The following SLIT3 variants were observed in gnomAD, a reference collection of about 807,000 sequenced individuals.
SLIT3 encodes the protein slit homolog 3 protein.
SLIT3 carries 68 observed loss-of-function variants against 184.0 expected under a neutral mutation model. The ratio of observed to expected loss-of-function variants is 0.37; its 90% CI spans 0.30 to 0.45. The LOEUF is 0.45. Ranked by LOEUF, SLIT3 falls within the 20% of genes least tolerant of loss-of-function variation. The probability of loss-of-function intolerance (pLI) is 1.00; values close to 1 mark genes in which losing one functional copy is unlikely to be tolerated. For missense variants in SLIT3, 1,707 were observed against 2,026.0 expected (o/e 0.84, Z 3.02); for synonymous variants, 831 against 828.6 (o/e 1.00, Z -0.05).
At chr5:168,823,911 TC>T (rs1472388552) in intron 6 of SLIT3, among the ~76,000 whole-genome samples, 1 of 152,150 alleles carries the variant, frequency 6.6e-6, no homozygotes, top group Admixed American at 6.5e-5. Flanking sequence ...GATAGGTGAT[TC>T]TGTATTTTCT....
chr5:168,673,572 C>G (rs1156236147), intron 32 of SLIT3, among the ~76,000 whole-genome samples: 1 of 152,234 alleles, frequency 6.6e-6, no homozygotes, highest in East Asian at 1.9e-4. Flanking sequence ...TACACACACA[C>G]ATTTCTGAAC....
At chr5:168,733,366 G>A (rs948480448) in intron 20 of SLIT3, among the ~76,000 whole-genome samples, 54 of 152,066 alleles carry the variant, frequency 3.6e-4, no homozygotes, top group Non-Finnish European at 3.1e-4. Context: ...CAACCTTTAC[G>A]GAAAACAGTA....
chr5:168,855,674 A>G (rs916623507), intron 5 of SLIT3, among the ~76,000 whole-genome samples: 1 of 152,234 alleles, frequency 6.6e-6, no homozygotes, highest in African/African-American at 2.4e-5. Context: ...GAACAGGTAA[A>G]TTCATAGAAA....
intron 30 of SLIT3, among the ~76,000 whole-genome samples, chr5:168,686,325 A>G (rs1033562735): frequency 6.6e-6 from 1 of 152,172 alleles, no homozygotes; most frequent in Non-Finnish European, 1.5e-5. Context: ...TTCTTAAAAG[A>G]GCACATTCCT....
At chr5:168,700,919 C>G (rs1338299845) in intron 26 of SLIT3, among the ~76,000 whole-genome samples, 1 of 152,214 alleles carries the variant, frequency 6.6e-6, no homozygotes, top group Admixed American at 6.5e-5. Context: ...TCCAGCCTCA[C>G]TACTTCGCAG....
chr5:169,252,501 C>T (rs76768080), intron 1 of SLIT3, among the ~76,000 whole-genome samples: 7,759 of 152,192 alleles, frequency 0.051, 216 homozygotes, highest in Non-Finnish European at 0.063. Context: ...ATGAATATTC[C>T]GTGTTCACTA....
intron 4 of SLIT3, among the ~76,000 whole-genome samples, chr5:169,145,734 A>G (rs1215238743): frequency 1.3e-5 from 2 of 152,190 alleles, no homozygotes; most frequent in East Asian, 3.8e-4. Context: ...ATGATAACAT[A>G]TCAACAACAA....
intron 4 of SLIT3, among the ~76,000 whole-genome samples, chr5:169,167,050 G>T (rs146999018): frequency 1.3e-4 from 19 of 151,966 alleles, no homozygotes; most frequent in African/African-American, 4.3e-4. Context: ...TACACCTATA[G>T]TCCTAGCTAC....
intron 4 of SLIT3, among the ~76,000 whole-genome samples, chr5:169,136,229 GA>G (rs2113329474): frequency 1.3e-5 from 2 of 152,248 alleles, no homozygotes; most frequent in East Asian, 3.9e-4. Context: ...GGAAACTTAA[GA>G]AAAAGTAGCA....
intron 4 of SLIT3, among the ~76,000 whole-genome samples, chr5:169,000,550 A>C (rs981107943): frequency 6.6e-6 from 1 of 152,172 alleles, no homozygotes; most frequent in Non-Finnish European, 1.5e-5. Context: ...AATAACCTAA[A>C]AACAATAATC....
chr5:169,077,958 G>T (rs1758812673), intron 4 of SLIT3, among the ~76,000 whole-genome samples: 1 of 151,764 alleles, frequency 6.6e-6, no homozygotes, highest in African/African-American at 2.4e-5. Context: ...TTTGTTGCCT[G>T]CCTTGCCAAG....
At chr5:168,939,803 T>C (rs986492031) in intron 4 of SLIT3, among the ~76,000 whole-genome samples, 23 of 152,270 alleles carry the variant, frequency 1.5e-4, no homozygotes, top group African/African-American at 5.3e-4. Flanking sequence ...TATCCTTGTC[T>C]TAATCTTAAT....
intron 5 of SLIT3, among the ~76,000 whole-genome samples, chr5:168,874,516 A>G (rs74857396): frequency 0.028 from 4,247 of 152,302 alleles, 204 homozygotes; most frequent in African/African-American, 0.096. Flanking sequence ...CTTACAGGCT[A>G]TAGGAGGAGG....
intron 3 of SLIT3, among the ~76,000 whole-genome samples, chr5:169,240,919 T>A (rs1252069499): frequency 6.6e-6 from 1 of 151,692 alleles, no homozygotes; most frequent in African/African-American, 2.4e-5. Context: ...TCAACATACA[T>A]CTTTGACTTA....
intron 4 of SLIT3, among the ~76,000 whole-genome samples, chr5:168,969,418 C>A (rs1475141462): frequency 6.6e-6 from 1 of 152,216 alleles, no homozygotes; most frequent in Non-Finnish European, 1.5e-5. Flanking sequence ...CGAAAATAGA[C>A]AAAGCTAACC....
At chr5:168,829,469 C>T (rs921848967) in intron 6 of SLIT3, among the ~76,000 whole-genome samples, 7 of 152,294 alleles carry the variant, frequency 4.6e-5, no homozygotes, top group African/African-American at 1.7e-4. Context: ...TGGGCTGGCC[C>T]ACTCATGTCC....
intron 1 of SLIT3, among the ~76,000 whole-genome samples, chr5:169,272,110 T>C (rs1347594527): frequency 1.3e-5 from 2 of 152,234 alleles, no homozygotes; most frequent in Non-Finnish European, 2.9e-5. Context: ...GCTGGGGATC[T>C]GACTTCGTCC....
intron 4 of SLIT3, among the ~76,000 whole-genome samples, chr5:169,166,423 G>T (rs1762639825): frequency 6.6e-6 from 1 of 152,166 alleles, no homozygotes; most frequent in Non-Finnish European, 1.5e-5. Context: ...CAATGGGGGA[G>T]TGGGCTGAGG....
chr5:168,815,257 T>C (rs1019553493), intron 8 of SLIT3, among the ~76,000 whole-genome samples: 8 of 152,222 alleles, frequency 5.3e-5, no homozygotes, highest in African/African-American at 1.2e-4. Context: ...TCAGATTTAA[T>C]GGACTTTGGA....
Sources: gnomAD v4.1 joint callset for allele counts (sites outside exome capture counted in the v4.1 genomes callset) on GRCh38, gnomAD v4.1.1 for gene constraint, MANE v1.5 for transcripts, NCBI Gene and HGNC (gene_info 2026-07-23, HGNC 2026-07-21) for gene names.